NDST4: variants seen among roughly 807,000 people sequenced by gnomAD.
NDST4 encodes N-deacetylase and N-sulfotransferase 4.
NDST4 carries 63 observed loss-of-function variants against 100.8 expected under a neutral mutation model. The ratio of observed to expected loss-of-function variants is 0.62; its 90% confidence interval spans 0.51 to 0.77. The LOEUF (loss-of-function observed/expected upper bound fraction) is 0.77. Among genes scored for constraint, NDST4 ranks in the 30% least tolerant of loss-of-function variants. The pLI is 0.00. For synonymous variants in NDST4, 377 were observed against 361.8 expected, an observed-to-expected ratio of 1.04 and a Z score of -0.48; for missense variants, 943 against 1,018.4, an observed-to-expected ratio of 0.93 and a Z score of 1.01.
intron 2 of NDST4, among the ~76,000 whole-genome samples, chr4:115,065,470 C>A (rs765460248): frequency 6.6e-6 from 1 of 152,110 alleles, no homozygotes; most frequent in African/African-American, 2.4e-5. Flanking sequence ...AGACAACTAT[C>A]TTAGTATCGC....
At chr4:114,937,898 C>G (rs900297845) in intron 4 of NDST4, among the ~76,000 whole-genome samples, 2 of 132,530 alleles carry the variant, frequency 1.5e-5, no homozygotes, top group Admixed American at 7.8e-5. Flanking sequence ...TGGCGGGGGG[C>G]GGGTATTGAA....
chr4:115,079,995 T>C lies in NDST4; in HGVS notation c.-246-2713A>G, dbSNP rs554749273. 9.8e-5 allele frequency among the ~76,000 whole-genome samples: 15 copies of C among 152,308 alleles called. 1 individual carries two copies. In the East Asian group the frequency reaches 1.7e-3, roughly 18 times the overall value. On this transcript the variant is annotated intron_variant, in intron 1 of 13. Transcript: ENST00000264363. ...ATTTTAACACTTCAGATTCCAAATA[T>C]ATAAGTGGACCTTAGCTTTTCACTG...
intron 2 of NDST4, among the ~76,000 whole-genome samples, chr4:115,070,446 G>A (rs554999111): frequency 6.4e-4 from 97 of 152,094 alleles, no homozygotes; most frequent in Non-Finnish European, 1.1e-3. Context: ...AGGGCCACAG[G>A]AATATTAACA....
At chr4:114,936,549 G>C (rs1486070697) in intron 5 of NDST4, among the ~76,000 whole-genome samples, 1 of 152,138 alleles carries the variant, frequency 6.6e-6, no homozygotes, top group Non-Finnish European at 1.5e-5. Context: ...CCAATGCTCT[G>C]ATCTTGGCAA....
At chr4:114,929,113 C>CTATCT (rs1560817117) in intron 6 of NDST4, among the ~76,000 whole-genome samples, 1,222 of 117,142 alleles carry the variant, frequency 0.01, 15 homozygotes, top group Non-Finnish European at 0.014. Flanking sequence ...TCCATCCATC[C>CTATCT]ATCTATCTAT....
At chr4:115,047,468 T>C (rs1434219638) in intron 2 of NDST4, among the ~76,000 whole-genome samples, 2 of 152,136 alleles carry the variant, frequency 1.3e-5, no homozygotes, top group Non-Finnish European at 2.9e-5. Flanking sequence ...AAGTAAGTAA[T>C]GAAAATAGCA....
intron 4 of NDST4, among the ~76,000 whole-genome samples, chr4:114,968,183 A>C (rs1229662966): frequency 6.6e-6 from 1 of 152,222 alleles, no homozygotes; most frequent in Non-Finnish European, 1.5e-5. Context: ...TATTAGCTTA[A>C]CAACTGGGCA....
chr4:115,075,957 C>T (rs994388458), intron 2 of NDST4, 102 bp downstream of exon 2: 37 of 1,369,392 alleles, frequency 2.7e-5, no homozygotes, highest in Non-Finnish European at 3.5e-5. Flanking sequence ...AACTCTACTG[C>T]ACCTTAAAAC....
chr4:114,958,419 G>A (rs1454529338), intron 4 of NDST4, among the ~76,000 whole-genome samples: 1 of 150,770 alleles, frequency 6.6e-6, no homozygotes, highest in African/African-American at 2.5e-5. Flanking sequence ...TTTCTAAAAC[G>A]TAGCAAGAGT....
chr4:114,976,615 G>A (rs1726638761), intron 3 of NDST4, among the ~76,000 whole-genome samples: 1 of 151,884 alleles, frequency 6.6e-6, no homozygotes, highest in South Asian at 2.1e-4. Flanking sequence ...GGATAGAGAT[G>A]GAAAGAAATA....
chr4:115,021,311 C>T, intron 2 of NDST4, among the ~76,000 whole-genome samples: 1 of 150,838 alleles, frequency 6.6e-6, no homozygotes, highest in Admixed American at 6.6e-5. Flanking sequence ...TATATATATT[C>T]CACATATACA....
intron 1 of NDST4, among the ~76,000 whole-genome samples, chr4:115,112,190 CT>C (rs1285118753): frequency 6.9e-6 from 1 of 144,728 alleles, no homozygotes; most frequent in Non-Finnish European, 1.5e-5. Flanking sequence ...ATAAATTACT[CT>C]TTTGATATGA....
chr4:115,008,966 C>A (rs1241427657), intron 2 of NDST4, among the ~76,000 whole-genome samples: 1 of 127,196 alleles, frequency 7.9e-6, no homozygotes. Flanking sequence ...ACCTAGGAAT[C>A]CAACTTACAA....
At chr4:114,828,810 C>A (rs11941012) in intron 13 of NDST4, among the ~76,000 whole-genome samples, 16,731 of 152,148 alleles carry the variant, frequency 0.11, 973 homozygotes, top group Middle Eastern at 0.15. Context: ...AAGCCCTCCT[C>A]AATATTTCAA....
chr4:114,950,381 T>C (rs79533214), intron 4 of NDST4, among the ~76,000 whole-genome samples: 2,253 of 152,178 alleles, frequency 0.015, 63 homozygotes, highest in African/African-American at 0.051. Flanking sequence ...ATGAAAAATG[T>C]GCATTAGCTA....
At chr4:115,109,082 T>A in intron 1 of NDST4, among the ~76,000 whole-genome samples, 1 of 142,658 alleles carries the variant, frequency 7.0e-6, no homozygotes, top group South Asian at 2.2e-4. Context: ...GAAAAAGTGG[T>A]AAAATAAGAA....
chr4:114,966,502 A>G (rs936621076), intron 4 of NDST4, among the ~76,000 whole-genome samples: 4 of 152,142 alleles, frequency 2.6e-5, no homozygotes, highest in Non-Finnish European at 5.9e-5. Context: ...TTTTTGAAAT[A>G]TCAATATCAA....
chr4:115,062,161 G>A (rs190319600), intron 2 of NDST4, among the ~76,000 whole-genome samples: 11 of 152,078 alleles, frequency 7.2e-5, no homozygotes, highest in African/African-American at 2.7e-4. Flanking sequence ...CATAGTCAAT[G>A]GGTAGAGAGT....
intron 4 of NDST4, among the ~76,000 whole-genome samples, chr4:114,956,494 A>G (rs1181102668): frequency 6.6e-6 from 1 of 152,150 alleles, no homozygotes; most frequent in African/African-American, 2.4e-5. Flanking sequence ...TCTAGAGAGA[A>G]CCAGATAAAC....
Sources: allele counts gnomAD v4.1 joint callset (sites outside exome capture counted in the v4.1 genomes callset), GRCh38; gene constraint gnomAD v4.1.1; transcripts MANE v1.5; gene names NCBI Gene and HGNC (gene_info 2026-07-23, HGNC 2026-07-21).